Variants in SPTA1 observed in about 807,000 individuals in gnomAD.
SPTA1 encodes spectrin alpha chain, erythrocytic 1.
Under a neutral mutation model 324.7 loss-of-function variants are expected in SPTA1, and 177 were observed. The observed-to-expected ratio is 0.55, with a 90% confidence interval of 0.48 to 0.62. The LOEUF (loss-of-function observed/expected upper bound fraction) is 0.62. Ranked by LOEUF, SPTA1 falls within the 20% of genes least tolerant of loss-of-function variation. The pLI is 0.00. For synonymous variants in SPTA1, 1,195 were observed against 1,041.3 expected, an observed-to-expected ratio of 1.15 and a Z score of -2.84; for missense variants, 3,162 against 2,883.6, an observed-to-expected ratio of 1.10 and a Z score of -2.21.
intron 49 of SPTA1, 141 bp from the exon 50 acceptor site, chr1:158,614,008 G>T: frequency 2.0e-6 from 2 of 991,714 alleles, no homozygotes; most frequent in Non-Finnish European, 3.0e-6. Context: ...TACAAAGCCT[G>T]TCTGTGTCAT....
rs1651761611 is a variant in SPTA1 at position 158,643,407 on chromosome 1, G to A, written c.4357C>T (p.Leu1453=). 1.2e-6 allele frequency: 2 copies of A among 1,613,622 alleles called. No homozygotes were observed. The highest frequency in any genetic ancestry group is 1.7e-4 in the Middle Eastern group (1 of 5,902). ...ITAQEGKITD[L]EHFAESLIAD... ...ATGAGGCTCTCAGCAAAATGTTCTA[G>A]GTCAGTGATCTTCCCTTCCTAAATA... is the stretch of plus-strand genomic sequence containing the variant. The change falls in exon 31 of 52, where the codon CTA becomes TTA. Residue 1453 remains leucine (L), a synonymous_variant. Coordinates refer to ENST00000643759, the MANE Select transcript of SPTA1 (RefSeq NM_003126.4).
intron 45 of SPTA1, among the ~76,000 whole-genome samples, chr1:158,618,562 A>G (rs1489762453): frequency 1.3e-5 from 2 of 152,174 alleles, no homozygotes; most frequent in Non-Finnish European, 2.9e-5. Flanking sequence ...TACATCTTCT[A>G]AGTCTCCTTT....
chr1:158,613,152 A>T (rs1649361081), intron 50 of SPTA1, among the ~76,000 whole-genome samples, 191 bp from the exon 51 acceptor site: 2 of 151,798 alleles, frequency 1.3e-5, no homozygotes, highest in Non-Finnish European at 2.9e-5. Flanking sequence ...TTACAGCCAA[A>T]CATTACTAAG....
At position 158,652,491 on chromosome 1, in the gene SPTA1, C is replaced by A; in HGVS notation, c.3351G>T (p.Gln1117His). ...CCTTTTGGAACTCATCAAACTTTTT[C>A]TGCAGCTCCCAAACATCATCTAGTT... ...GVELDDVWEL[Q>H]KKFDEFQKDL... The change falls in exon 23 of 52, where the codon CAG becomes CAT. Residue 1117 changes from glutamine (Q) to histidine (H), a missense_variant. By Grantham distance (24) the Gln-to-His change is conservative (BLOSUM62 0). Coordinates refer to ENST00000643759, the MANE Select transcript of SPTA1 (RefSeq NM_003126.4). 6.2e-7 allele frequency: 1 copy of A among 1,614,176 alleles called. No individual in the cohort carries two copies.
chr1:158,637,918 T>C, intron 36 of SPTA1, 115 bp downstream of exon 36: 2 of 1,190,706 alleles, frequency 1.7e-6, no homozygotes, highest in African/African-American at 1.5e-5. Context: ...AAACATGAAG[T>C]AGTGCTATCT....
At chr1:158,639,430 G>C in intron 35 of SPTA1, 152 bp downstream of exon 35, 1 of 756,786 alleles carries the variant, frequency 1.3e-6, no homozygotes, top group Non-Finnish European at 2.3e-6. Context: ...TTCACAGCCC[G>C]TTAATTTTAC....
At chr1:158,623,910 G>A (rs1332104295) in intron 42 of SPTA1, among the ~76,000 whole-genome samples, 1 of 152,204 alleles carries the variant, frequency 6.6e-6, no homozygotes, top group Admixed American at 6.5e-5. Flanking sequence ...CCTGATTTGT[G>A]TAGCCTAGTG....
chr1:158,676,252 T>C lies in SPTA1; in HGVS notation c.1001A>G (p.His334Arg). The C allele has an allele frequency of 6.2e-7, 1 of 1,613,764 alleles. No individual in the cohort carries two copies. Among genetic ancestry groups the C allele is most frequent in the Non-Finnish European group, 8.5e-7 (1 of 1,179,774 alleles). ...CTGGATCTGAGGTGCATCTGAAGGA[T>C]GGGAAAGTGTCAGCTTCTCTGCTTT... The part of the protein sequence containing the change: ...CAKAEKLTLS[H>R]PSDAPQIQEM... Residue 334 changes from histidine (H) to arginine (R), a missense_variant, in exon 8 of 52, where the codon CAT becomes CGT. By Grantham distance (29) the His-to-Arg change is conservative (BLOSUM62 0). Transcript: ENST00000643759.
In SPTA1 at chr1:158,627,655, C is replaced by T. The variant is rs761477010; in HGVS notation, c.5634G>A (p.Val1878=). 4.5e-5 allele frequency: 73 copies of T among 1,613,578 alleles called. No homozygotes were observed. The highest frequency in any genetic ancestry group is 2.6e-4 in the South Asian group (24 of 91,082). The change falls in exon 40 of 52, where the codon GTG becomes GTA. Residue 1878 remains valine, a synonymous_variant. Transcript: ENST00000643759. ...TTAGGATGTCTTCTCCTTGTGCACA[C>T]ACATTTTGTACTCGGGTCTCATGGA... ...FAVHETRVQN[V]CAQGEDILNK...
rs565615239 is a variant in SPTA1, at chr1:158,642,836, T to C, written c.4583A>G (p.Tyr1528Cys). 12 of 1,613,962 alleles carry C rather than the reference T, an allele frequency of 7.4e-6. No individual in the cohort carries two copies. In the South Asian group the frequency reaches 8.8e-5, roughly 12 times the overall value. Reference sequence around the variant, plus strand: ...TGCCTGAATGTTAGTGGCGTCTTTGTAGGATTCATCACAGGCTGTGGGCAG... The same window carrying C: ...TGCCTGAATGTTAGTGGCGTCTTTGCAGGATTCATCACAGGCTGTGGGCAG... The part of the protein sequence containing the change: ...EMLPTACDES[Y>C]KDATNIQRKY... Residue 1528 changes from tyrosine to cysteine, a missense_variant, in exon 32 of 52, where the codon TAC (tyrosine) becomes TGC (cysteine). By Grantham distance (194) the Tyr-to-Cys change is radical. Coordinates refer to ENST00000643759, the MANE Select transcript of SPTA1 (RefSeq NM_003126.4).
chr1:158,636,611 A>G (rs779549649), intron 37 of SPTA1, 30 bp downstream of exon 37: 15 of 1,613,086 alleles, frequency 9.3e-6, no homozygotes, highest in Non-Finnish European at 1.2e-5. Context: ...GATGATTTCT[A>G]TATTTTCAGA....
rs549887661 is a variant in SPTA1 at position 158,671,296 on chromosome 1, T to C, written c.1599+47A>G. On this transcript the variant is annotated intron_variant, in intron 12 of 51. Transcript: ENST00000643759. ...TGGGGACAGGTATTGTGTAAAATTATGTATACAGAGAGGGAGCCAATGCCC... is the reference window on the plus strand; with the variant it reads ...TGGGGACAGGTATTGTGTAAAATTACGTATACAGAGAGGGAGCCAATGCCC... The C allele has an allele frequency of 1.1e-5, 15 of 1,376,672 alleles. No homozygotes were observed. The Admixed American group carries it at 1.5e-4, about 14-fold the overall frequency. The allele number at this position is 1,376,672 out of a possible 1,614,324, so 85.3% of individuals were successfully genotyped here.
Position 158,669,790 on chromosome 1 carries a change from A to G in SPTA1, c.1600-4T>C, listed in dbSNP as rs767561838. 3.7e-6 allele frequency: 6 copies of G among 1,613,686 alleles called. No individual in the cohort carries two copies. In the Admixed American group the frequency reaches 1.0e-4, roughly 27 times the overall value. ...TGGTTGCAGTCTTGTCTACAGTCTG[A>G]AAAAATAAAAATAAAAATGAATGCT... On this transcript the variant is annotated splice_polypyrimidine_tract_variant and splice_region_variant and intron_variant, in intron 12 of 51. Transcript: ENST00000643759.
chr1:158,675,282 T>G (rs1654317312), intron 8 of SPTA1, among the ~76,000 whole-genome samples: 1 of 152,212 alleles, frequency 6.6e-6, no homozygotes, highest in Non-Finnish European at 1.5e-5. Context: ...TAATCCACAT[T>G]CAGGAAATAA....
chr1:158,633,674 A>G (rs978511653), intron 39 of SPTA1, among the ~76,000 whole-genome samples: 3 of 151,344 alleles, frequency 2.0e-5, no homozygotes, highest in Non-Finnish European at 2.9e-5. Context: ...AAAAAAAAAA[A>G]AAAAGAAAAG....
intron 17 of SPTA1, among the ~76,000 whole-genome samples, chr1:158,661,994 C>G (rs1653251732): frequency 6.6e-6 from 1 of 152,204 alleles, no homozygotes; most frequent in Non-Finnish European, 1.5e-5. Context: ...GCTTTATCCT[C>G]CCTGTATCCT....
At chr1:158,667,799 A>G in intron 15 of SPTA1, 59 bp downstream of exon 15, 1 of 1,557,946 alleles carries the variant, frequency 6.4e-7, no homozygotes, top group Non-Finnish European at 8.8e-7. Flanking sequence ...TGGTAAAGAT[A>G]AAGGTAGTAG....
chr1:158,658,314 T>C (rs914226384), intron 18 of SPTA1, among the ~76,000 whole-genome samples: 3 of 151,954 alleles, frequency 2.0e-5, no homozygotes, highest in African/African-American at 7.3e-5. Context: ...ACTTGTGAGG[T>C]TGAGTGTCAA....
Position 158,615,266 on chromosome 1 carries a change from G to A in SPTA1, c.6738C>T (p.Tyr2246=), listed in dbSNP as rs948387366. 10 of 1,613,776 alleles carry A rather than the reference G, an allele frequency of 6.2e-6. No homozygotes were observed. The highest frequency in any genetic ancestry group is 1.7e-5 in the Admixed American group (1 of 59,996). Residue 2246 remains tyrosine (Y), a synonymous_variant, in exon 48 of 52, where the codon TAC becomes TAT. Transcript: ENST00000643759. ...IGLAQQWDQL[Y]QLGLRMQHNL... Reference sequence around the variant, plus strand: ...TGTGTTGCATCCGCAACCCAAGCTGGTAGAGCTGGTCCCACTGCTGAGCCA... The same window carrying A: ...TGTGTTGCATCCGCAACCCAAGCTGATAGAGCTGGTCCCACTGCTGAGCCA...
Sources: allele counts gnomAD v4.1 joint callset (sites outside exome capture counted in the v4.1 genomes callset), GRCh38; gene constraint gnomAD v4.1.1; transcripts MANE v1.5; gene names NCBI Gene and HGNC (gene_info 2026-07-23, HGNC 2026-07-21).